Variants in UNC13C observed in about 807,000 individuals in gnomAD.
UNC13C encodes the protein protein unc-13 homolog C.
In UNC13C, 174 loss-of-function variants were observed where a neutral mutation model predicts 245.4. The observed-to-expected ratio is 0.71, with a 90% CI of 0.63 to 0.80. UNC13C has a LOEUF of 0.80. UNC13C is among the 30% of genes least tolerant of loss of function. The pLI is 0.00. For synonymous variants in UNC13C, 992 were observed against 895.1 expected (o/e 1.11, Z -1.93); for missense variants, 2,829 against 2,602.9 (o/e 1.09, Z -1.89).
rs147069183 is a variant in UNC13C, at chr15:54,576,508, C to G, written c.6106+8561C>G. Among the ~76,000 whole-genome samples the G allele has an allele frequency of 3.6e-3, 541 of 152,312 alleles. 6 individuals carry two copies. Among genetic ancestry groups the G allele is most frequent in the African/African-American group, 0.012 (508 of 41,570 alleles). Reference sequence around the variant, plus strand: ...AACTTCTTCCTCTGCTCCCCAGTTTCACTTCATTCTGGCTGCAGTTACTGG... The same window carrying G: ...AACTTCTTCCTCTGCTCCCCAGTTTGACTTCATTCTGGCTGCAGTTACTGG... On this transcript the variant is annotated intron_variant, in intron 30 of 32. Transcript: ENST00000260323.
chr15:54,367,729 T>C (rs1374532935), intron 17 of UNC13C, among the ~76,000 whole-genome samples: 3 of 152,142 alleles, frequency 2.0e-5, no homozygotes, highest in Non-Finnish European at 4.4e-5. Flanking sequence ...CAGTTAAATC[T>C]TGGATTGTAG....
At chr15:54,454,113 AT>A (rs1269269568) in intron 19 of UNC13C, among the ~76,000 whole-genome samples, 4 of 145,466 alleles carry the variant, frequency 2.7e-5, no homozygotes, top group Non-Finnish European at 6.0e-5. Context: ...CTTTTTTATA[AT>A]TTTTATTGTG....
At chr15:53,916,686 A>C in the UNC13C span, among the ~76,000 whole-genome samples, 1 of 152,222 alleles carries the variant, frequency 6.6e-6, no homozygotes, top group Non-Finnish European at 1.5e-5. Flanking sequence ...TTAACTCAGA[A>C]ATACTGAATC....
chr15:54,058,293 C>G (rs990918156), intron 2 of UNC13C, among the ~76,000 whole-genome samples: 2 of 152,014 alleles, frequency 1.3e-5, no homozygotes, highest in African/African-American at 4.8e-5. Flanking sequence ...ACCACCGATC[C>G]CACAGAAATA....
rs149306099 is a variant in UNC13C at position 54,078,543 on chromosome 15, C to T, written c.2983+62657C>T. On this transcript the variant is annotated intron_variant, in intron 2 of 32. Coordinates refer to ENST00000260323, the MANE Select transcript of UNC13C (RefSeq NM_001080534.3). Reference sequence around the variant, plus strand: ...TTATGACTGGTGTGAGATGGGTTTTCATTGTAGTTTTTATTTGCATTTCTC... The same window carrying T: ...TTATGACTGGTGTGAGATGGGTTTTTATTGTAGTTTTTATTTGCATTTCTC... 1.8e-4 allele frequency among the ~76,000 whole-genome samples: 27 copies of T among 152,104 alleles called. No individual in the cohort carries two copies. The East Asian group carries it at 4.5e-3, about 25-fold the overall frequency.
At chr15:54,052,390 T>C (rs1474136150) in intron 2 of UNC13C, among the ~76,000 whole-genome samples, 1 of 149,108 alleles carries the variant, frequency 6.7e-6, no homozygotes, top group East Asian at 2.0e-4. Context: ...AGTGTAAAAG[T>C]GTTCCTATTT....
intron 2 of UNC13C, among the ~76,000 whole-genome samples, chr15:54,134,608 C>T (rs905006144): frequency 6.6e-6 from 1 of 152,084 alleles, no homozygotes; most frequent in Non-Finnish European, 1.5e-5. Flanking sequence ...CAAGCTCCGC[C>T]CCCAGGGTTC....
chr15:54,187,214 A>T (rs2034022178), intron 4 of UNC13C, among the ~76,000 whole-genome samples: 1 of 151,914 alleles, frequency 6.6e-6, no homozygotes, highest in Non-Finnish European at 1.5e-5. Flanking sequence ...TATCTCCTGA[A>T]TCTCTCCTCT....
chr15:54,623,925 G>T lies in UNC13C; in HGVS notation c.6330G>T (p.Trp2110Cys), dbSNP rs1186088602. 1 of 1,613,148 alleles carries T rather than the reference G, an allele frequency of 6.2e-7. No homozygotes were observed. Among genetic ancestry groups the T allele is most frequent in the South Asian group, 1.1e-5 (1 of 91,066 alleles). ...GCACAAAAACAAAAAGCAACACATGGTCACCAAAGTACAATGAAACATTTC... is the reference window on the plus strand; with the variant it reads ...GCACAAAAACAAAAAGCAACACATGTTCACCAAAGTACAATGAAACATTTC... ...KQGTKTKSNT[W>C]SPKYNETFQF... The change falls in exon 32 of 33, where the codon TGG becomes TGT. Residue 2110 changes from tryptophan (W) to cysteine (C), a missense_variant. By Grantham distance (215) the Trp-to-Cys change is radical. Transcript: ENST00000260323.
chr15:53,838,581 G>A, the UNC13C span, among the ~76,000 whole-genome samples: 2 of 151,814 alleles, frequency 1.3e-5, no homozygotes, highest in Non-Finnish European at 2.9e-5. Context: ...TATACTAATT[G>A]ATTTTTAACA....
chr15:54,151,593 G>A (rs1407752794), intron 4 of UNC13C, among the ~76,000 whole-genome samples: 1 of 152,030 alleles, frequency 6.6e-6, no homozygotes, highest in Non-Finnish European at 1.5e-5. Context: ...TAGTAGAGAT[G>A]GGGTTTCACC....
the UNC13C span, among the ~76,000 whole-genome samples, chr15:53,883,872 A>G: frequency 1.3e-5 from 2 of 152,336 alleles, no homozygotes; most frequent in Admixed American, 1.3e-4. Flanking sequence ...AAAGCATTCT[A>G]ATATTTGGAA....
At chr15:54,011,998 C>T (rs1895401317) in intron 1 of UNC13C, among the ~76,000 whole-genome samples, 2 of 152,230 alleles carry the variant, frequency 1.3e-5, no homozygotes, top group African/African-American at 4.8e-5. Context: ...TTCTGGGTTA[C>T]ATTTCACTGA....
chr15:54,629,354 A>T (rs1045449273), downstream of UNC13C: 2 of 152,006 alleles, frequency 1.3e-5, no homozygotes, highest in African/African-American at 4.8e-5. Context: ...CTGGGTGACA[A>T]AATAATCTAC....
At chr15:54,242,480 T>C (rs951729061) in intron 7 of UNC13C, among the ~76,000 whole-genome samples, 2 of 152,148 alleles carry the variant, frequency 1.3e-5, no homozygotes, top group African/African-American at 4.8e-5. Flanking sequence ...TGTGCCATTT[T>C]ATCCTATTAT....
At chr15:54,016,671 TATA>T (rs1895675740) in intron 2 of UNC13C, among the ~76,000 whole-genome samples, 1 of 152,238 alleles carries the variant, frequency 6.6e-6, no homozygotes, top group Admixed American at 6.5e-5. Flanking sequence ...AAGTGATAGT[TATA>T]TGTAAATGTA....
At chr15:54,437,145 G>A (rs1890263742) in intron 19 of UNC13C, among the ~76,000 whole-genome samples, 1 of 151,774 alleles carries the variant, frequency 6.6e-6, no homozygotes. Flanking sequence ...GTATCCCCTT[G>A]GATAATTGCT....
At chr15:54,446,402 G>A (rs558923891) in intron 19 of UNC13C, among the ~76,000 whole-genome samples, 83 of 152,184 alleles carry the variant, frequency 5.5e-4, no homozygotes, top group Admixed American at 1.8e-3. Context: ...CCATTTTCAC[G>A]ATATTGATTC....
In UNC13C at chr15:54,435,758, T is replaced by TAA. The variant is rs56113356; in HGVS notation, c.4933+20697_4933+20698dup. ...AGATTTAAAAAATAATAAATAAAAA[T>TAA]AAAAAAAGAAACTATCATCAGAGTG... On this transcript the variant is annotated intron_variant, in intron 19 of 32. Coordinates refer to ENST00000260323, the MANE Select transcript of UNC13C (RefSeq NM_001080534.3). Among the ~76,000 whole-genome samples the TAA allele has an allele frequency of 1.9e-4, 28 of 150,312 alleles. 1 individual carries two copies. Among genetic ancestry groups the TAA allele is most frequent in the Admixed American group, 1.1e-3 (16 of 15,114 alleles).
Sources: gnomAD v4.1 joint callset for allele counts (sites outside exome capture counted in the v4.1 genomes callset) on GRCh38, gnomAD v4.1.1 for gene constraint, MANE v1.5 for transcripts, NCBI Gene and HGNC (gene_info 2026-07-23, HGNC 2026-07-21) for gene names.